KCNQ1: variants seen among roughly 807,000 people sequenced by gnomAD.
KCNQ1 encodes the protein potassium voltage-gated channel subfamily Q member 1, also known as potassium voltage-gated channel subfamily KQT member 1.
KCNQ1 carries 49 observed loss-of-function variants against 72.4 expected under a neutral mutation model. The observed-to-expected ratio is 0.68, with a 90% CI of 0.54 to 0.86. The LOEUF (loss-of-function observed/expected upper bound fraction) is 0.86, where lower values mean the gene tolerates loss of function less well. Ranked by LOEUF, KCNQ1 falls within the 40% of genes least tolerant of loss-of-function variation. The pLI, the probability that KCNQ1 is intolerant of heterozygous loss-of-function variation, is 0.00. For missense variants in KCNQ1, 790 were observed against 945.1 expected (o/e 0.84, Z 2.15); for synonymous variants, 450 against 412.6 (o/e 1.09, Z -1.10).
chr11:2,707,711 A>G (rs556351718), intron 11 of KCNQ1, among the ~76,000 whole-genome samples: 1 of 152,324 alleles, frequency 6.6e-6, no homozygotes, highest in South Asian at 2.1e-4. Flanking sequence ...TAGAGATGGG[A>G]AAACTGAGGC....
At position 2,463,645 on chromosome 11, in the gene KCNQ1, T is replaced by A. The variant is rs1355819524; in HGVS notation, c.386+18161T>A. ...CAGCTGTGTTTATGGGTGTACTCCC[T>A]GTGCTGGGCACTGCGCTGAGCTCAA... On this transcript the variant is annotated intron_variant, in intron 1 of 15. Coordinates refer to ENST00000155840, the MANE Select transcript of KCNQ1 (RefSeq NM_000218.3). This position sits in a 1 kb window ranked among gnomAD's most constrained non-coding sequence, Gnocchi z 7.0. 1.3e-5 allele frequency among the ~76,000 whole-genome samples: 2 copies of A among 152,110 alleles called. No homozygotes were observed. The highest frequency in any genetic ancestry group is 6.5e-5 in the Admixed American group (1 of 15,282).
chr11:2,644,158 C>T, intron 10 of KCNQ1: 1 of 398,510 alleles, frequency 2.5e-6, no homozygotes, highest in Non-Finnish European at 4.4e-6. Flanking sequence ...GGGAAGTGTT[C>T]AGGTATTATT....
At chr11:2,802,887 G>C (rs1279415262) in intron 15 of KCNQ1, among the ~76,000 whole-genome samples, 2 of 152,204 alleles carry the variant, frequency 1.3e-5, no homozygotes, top group Non-Finnish European at 2.9e-5. Flanking sequence ...GAAGCCCCCA[G>C]CCCCAGCAGA....
intron 2 of KCNQ1, among the ~76,000 whole-genome samples, chr11:2,532,306 T>C (rs1847653262): frequency 6.6e-6 from 1 of 152,182 alleles, no homozygotes; most frequent in African/African-American, 2.4e-5. Context: ...ATCAAATGCA[T>C]AGGCCAGAGT....
In KCNQ1 at chr11:2,493,191, C is replaced by T. The variant is rs977806208; in HGVS notation, c.387-34737C>T. 4.6e-4 allele frequency among the ~76,000 whole-genome samples: 70 copies of T among 152,212 alleles called. No individual in the cohort carries two copies. Among genetic ancestry groups the T allele is most frequent in the Non-Finnish European group, 9.3e-4 (63 of 67,998 alleles). ...AGTATCTGTTCGTATCCTTTACCCA[C>T]TTTTTGATGGGGTTGTTTTTTTCTT... On this transcript the variant is annotated intron_variant, in intron 1 of 15. Transcript: ENST00000155840. The surrounding 1 kb of genome is among the most constrained non-coding windows in gnomAD (Gnocchi z 5.3).
Position 2,592,552 on chromosome 11 carries a change from A to G in KCNQ1, c.1393+3698A>G, listed in dbSNP as rs1239717538. Among the ~76,000 whole-genome samples, 1 of 152,206 alleles carries G rather than the reference A, an allele frequency of 6.6e-6. No individual in the cohort carries two copies. The highest frequency in any genetic ancestry group is 1.5e-5 in the Non-Finnish European group (1 of 68,026). ...AGCAGCCACCCAGCCCGAGAGCCAGAGCACAGCAGGGGCTGGCCAGCCTAG... is the reference window on the plus strand; with the variant it reads ...AGCAGCCACCCAGCCCGAGAGCCAGGGCACAGCAGGGGCTGGCCAGCCTAG... On this transcript the variant is annotated intron_variant, in intron 10 of 15. Coordinates refer to ENST00000155840, the MANE Select transcript of KCNQ1 (RefSeq NM_000218.3). The surrounding 1 kb of genome is among the most constrained non-coding windows in gnomAD (Gnocchi z 5.2).
rs1850216353 is a variant in KCNQ1, at chr11:2,673,117, G to T, written c.1514+11036G>T. ...GGTACTCAGCAGGAGACCCCAGCAG[G>T]CAGCATCAGGGCAGGGGTGCTGACC... On this transcript the variant is annotated intron_variant, in intron 11 of 15. Coordinates refer to ENST00000155840, the MANE Select transcript of KCNQ1 (RefSeq NM_000218.3). This position sits in a 1 kb window ranked among gnomAD's most constrained non-coding sequence, Gnocchi z 4.5. 5.0e-6 allele frequency: 2 copies of T among 398,790 alleles called. No homozygotes were observed. The highest frequency in any genetic ancestry group is 4.1e-5 in the African/African-American group (2 of 48,632). The allele number at this position is 398,790 out of a possible 1,614,324, so 24.7% of individuals were successfully genotyped here.
chr11:2,569,455 C>T (rs753286984), intron 2 of KCNQ1, among the ~76,000 whole-genome samples: 3 of 152,152 alleles, frequency 2.0e-5, no homozygotes, highest in African/African-American at 4.8e-5. Context: ...CTGGTGGGGG[C>T]GTGGCATGGG....
rs1158210557 is a variant in KCNQ1 at position 2,603,698 on chromosome 11, T to C, written c.1393+14844T>C. ...CAAGGTTTGTGCTTCAGTGCTTCTT[T>C]TTTTTTCCCCGAGACAGAGTCTCCC... is the stretch of plus-strand genomic sequence containing the variant. On this transcript the variant is annotated intron_variant, in intron 10 of 15. Coordinates refer to ENST00000155840, the MANE Select transcript of KCNQ1 (RefSeq NM_000218.3). This position sits in a 1 kb window ranked among gnomAD's most constrained non-coding sequence, Gnocchi z 4.1. Among the ~76,000 whole-genome samples the C allele has an allele frequency of 6.6e-6, 1 of 152,160 alleles. No individual in the cohort carries two copies. Among genetic ancestry groups the C allele is most frequent in the Non-Finnish European group, 1.5e-5 (1 of 68,034 alleles).
intron 15 of KCNQ1, among the ~76,000 whole-genome samples, chr11:2,836,272 CA>C (rs1188165865): frequency 6.6e-6 from 1 of 152,126 alleles, no homozygotes; most frequent in African/African-American, 2.4e-5. Flanking sequence ...TTGGGGAAAG[CA>C]GGGAGAAGGG....
At chr11:2,780,692 G>A (rs1274489838) in intron 15 of KCNQ1, among the ~76,000 whole-genome samples, 2 of 152,302 alleles carry the variant, frequency 1.3e-5, no homozygotes, top group African/African-American at 4.8e-5. Context: ...CTCCAGGGAG[G>A]CCTAGAGTGT....
rs376210276 is a variant in KCNQ1, at chr11:2,559,045, C to T, written c.478-11583C>T. On this transcript the variant is annotated intron_variant, in intron 2 of 15. Coordinates refer to ENST00000155840, the MANE Select transcript of KCNQ1 (RefSeq NM_000218.3). This position sits in a 1 kb window ranked among gnomAD's most constrained non-coding sequence, Gnocchi z 4.9. ...AATGTCAAGAGTTTGCAGTTACTCC[C>T]AGAGCTACGGACAAGGGGCAAGGTG... 6.1e-4 allele frequency among the ~76,000 whole-genome samples: 93 copies of T among 152,192 alleles called. 2 individuals are homozygous for T. The South Asian group carries it at 0.019, about 31-fold the overall frequency.
rs1025798540 is a variant in KCNQ1 at position 2,645,062 on chromosome 11, G to C, written c.1394-16899G>C. ...ACTTGCTCAGGTGCCAATGATGACA[G>C]AGCTGGGCCACAGGGTGGGTAGGTC... On this transcript the variant is annotated intron_variant, in intron 10 of 15. Coordinates refer to ENST00000155840, the MANE Select transcript of KCNQ1 (RefSeq NM_000218.3). This position sits in a 1 kb window ranked among gnomAD's most constrained non-coding sequence, Gnocchi z 5.8. The C allele has an allele frequency of 2.5e-6, 1 of 398,686 alleles. No individual in the cohort carries two copies. Among genetic ancestry groups the C allele is most frequent in the Non-Finnish European group, 4.4e-6 (1 of 226,188 alleles). 24.7% of individuals were successfully genotyped at this position (398,686 alleles called of 1,614,324 possible). A position where few individuals can be genotyped will look rare whatever the true frequency, so the allele number is the denominator to read the frequency against.
chr11:2,573,079 C>T (rs1848366626), intron 6 of KCNQ1, 93 bp downstream of exon 6: 1 of 1,460,292 alleles, frequency 6.8e-7, no homozygotes, highest in African/African-American at 1.4e-5. Flanking sequence ...GACTTCGGGC[C>T]TTGGCAGGGG....
chr11:2,753,797 A>G (rs926910172), intron 11 of KCNQ1, among the ~76,000 whole-genome samples: 1 of 152,088 alleles, frequency 6.6e-6, no homozygotes, highest in Non-Finnish European at 1.5e-5. Flanking sequence ...TTGGCCGGGG[A>G]CACACACATT....
chr11:2,626,849 A>G lies in KCNQ1; in HGVS notation c.1394-35112A>G, dbSNP rs1849270206. ...GGCCTGTAGTAAGTTTTCAAATCAG[A>G]AAGTGTGAGTCCTCCAATGTTGTTC... On this transcript the variant is annotated intron_variant, in intron 10 of 15. Transcript: ENST00000155840. The surrounding 1 kb of genome is among the most constrained non-coding windows in gnomAD (Gnocchi z 4.0). 2.5e-6 allele frequency: 1 copy of G among 398,476 alleles called. No homozygotes were observed. The highest frequency in any genetic ancestry group is 4.4e-5 in the Admixed American group (1 of 22,714). 24.7% of individuals were successfully genotyped at this position (398,476 alleles called of 1,614,324 possible). A position where few individuals can be genotyped will look rare whatever the true frequency, so the allele number is the denominator to read the frequency against.
rs1433482361 is a variant in KCNQ1, at chr11:2,445,388, G to A, written c.290G>A (p.Arg97His). 3 of 1,597,618 alleles carry A rather than the reference G, an allele frequency of 1.9e-6. No individual in the cohort carries two copies. ...LDPRVSIYST[R>H]RPVLARTHVQ... ...CCGCGCGTCTCCATCTACAGCACGC[G>A]CCGCCCGGTGTTGGCGCGCACCCAC... The change falls in exon 1 of 16, where the codon CGC becomes CAC. Residue 97 changes from arginine (R) to histidine (H), a missense_variant. Transcript: ENST00000155840.
chr11:2,722,748 T>C (rs1845690471), intron 11 of KCNQ1, among the ~76,000 whole-genome samples: 1 of 152,064 alleles, frequency 6.6e-6, no homozygotes, highest in Admixed American at 6.5e-5. Context: ...GTGAGGTGGC[T>C]AAGCTGCCCC....
In KCNQ1 at chr11:2,699,716, GA is replaced by G. The variant is rs1564862674; in HGVS notation, c.1514+37636del. On this transcript the variant is annotated intron_variant, in intron 11 of 15. Coordinates refer to ENST00000155840, the MANE Select transcript of KCNQ1 (RefSeq NM_000218.3). ...GTGCCCCGAGGAGAACGGCGCCGAG[GA>G]GTCCCCGGGGAGAACTGCGCCGAGG... The G allele has an allele frequency of 8.0e-4, 282 of 350,736 alleles. 2 individuals carry two copies. The highest frequency in any genetic ancestry group is 3.0e-3 in the Middle Eastern group (4 of 1,354). The allele number at this position is 350,736 out of a possible 1,614,324, so 21.7% of individuals were successfully genotyped here. A position where few individuals can be genotyped will look rare whatever the true frequency, so the allele number is the denominator to read the frequency against.
Sources: gnomAD v4.1 joint callset for allele counts (sites outside exome capture counted in the v4.1 genomes callset) on GRCh38, gnomAD v4.1.1 for gene constraint, Gnocchi (gnomAD v3.1) non-coding constraint, MANE v1.5 for transcripts, NCBI Gene and HGNC (gene_info 2026-07-23, HGNC 2026-07-21) for gene names.